UNC13C: variants seen among roughly 807,000 people sequenced by gnomAD.
UNC13C encodes unc-13 homolog C, also known as protein unc-13 homolog C.
A neutral mutation model predicts 245.4 loss-of-function variants in UNC13C; 174 were observed. The ratio of observed to expected loss-of-function variants is 0.71; its 90% CI spans 0.63 to 0.80. The LOEUF (loss-of-function observed/expected upper bound fraction) is 0.80, where lower values mean the gene tolerates loss of function less well. Among genes scored for constraint, UNC13C ranks in the 30% least tolerant of loss-of-function variants. The probability of loss-of-function intolerance (pLI) is 0.00; values close to 1 mark genes in which losing one functional copy is unlikely to be tolerated. For synonymous variants in UNC13C, 992 were observed against 895.1 expected, an observed-to-expected ratio of 1.11 and a Z score of -1.93; for missense variants, 2,829 against 2,602.9, an observed-to-expected ratio of 1.09 and a Z score of -1.89.
rs8027481 is a variant in UNC13C, at chr15:54,440,582, T to C, written c.4933+25515T>C. On this transcript the variant is annotated intron_variant, in intron 19 of 32. Transcript: ENST00000260323. ...TTGATAGGTACTTGGGTTGGTTCCA[T>C]ATCTTTTCTATTGTGATTAGTACTG... 7.0e-3 allele frequency among the ~76,000 whole-genome samples: 1,059 copies of C among 152,166 alleles called. 7 individuals carry two copies. Among genetic ancestry groups the C allele is most frequent in the African/African-American group, 0.024 (989 of 41,548 alleles).
At chr15:53,959,275 A>G in the UNC13C span, among the ~76,000 whole-genome samples, 4 of 152,014 alleles carry the variant, frequency 2.6e-5, no homozygotes, top group East Asian at 7.7e-4. Flanking sequence ...TCTCTTAGAT[A>G]TACTGTTTTT....
chr15:54,512,218 G>C (rs1894774644), intron 24 of UNC13C: 2 of 412,264 alleles, frequency 4.9e-6, no homozygotes, highest in Non-Finnish European at 4.8e-6. Flanking sequence ...GCTTTGTGGT[G>C]CTATTGGTTT....
At chr15:54,072,732 C>T (rs1430957580) in intron 2 of UNC13C, among the ~76,000 whole-genome samples, 1 of 152,102 alleles carries the variant, frequency 6.6e-6, no homozygotes, top group East Asian at 1.9e-4. Context: ...TTATGTAATA[C>T]ACACTTTTGA....
intron 4 of UNC13C, among the ~76,000 whole-genome samples, chr15:54,221,436 G>C (rs1290506443): frequency 1.3e-5 from 2 of 151,772 alleles, no homozygotes; most frequent in African/African-American, 4.8e-5. Flanking sequence ...TATTTAGCAG[G>C]TGGAAATTAT....
chr15:53,849,722 A>G, the UNC13C span, among the ~76,000 whole-genome samples: 2 of 152,162 alleles, frequency 1.3e-5, no homozygotes, highest in African/African-American at 2.4e-5. Flanking sequence ...CACAAAATGT[A>G]TTCTGGCAGC....
chr15:54,219,486 C>T (rs2035151861), intron 4 of UNC13C, among the ~76,000 whole-genome samples: 2 of 150,978 alleles, frequency 1.3e-5, no homozygotes, highest in East Asian at 1.9e-4. Context: ...GACCTAAAAC[C>T]ATAAAAACCC....
downstream of UNC13C, chr15:54,630,831 A>G (rs1489850460): frequency 6.6e-6 from 1 of 152,136 alleles, no homozygotes; most frequent in African/African-American, 2.4e-5. Context: ...GTTAAATAAT[A>G]TATATTTAAA....
At chr15:53,894,607 G>T in the UNC13C span, among the ~76,000 whole-genome samples, 1 of 152,274 alleles carries the variant, frequency 6.6e-6, no homozygotes, top group Non-Finnish European at 1.5e-5. Flanking sequence ...TGCTGTCTGA[G>T]AAAATAAGGA....
At chr15:54,393,331 A>G (rs1003176076) in intron 18 of UNC13C, 150 bp downstream of exon 18, 5 of 681,568 alleles carry the variant, frequency 7.3e-6, no homozygotes, top group African/African-American at 1.9e-5. Flanking sequence ...ATCAGTAAAT[A>G]TCAATTAAAT....
intron 2 of UNC13C, among the ~76,000 whole-genome samples, chr15:54,084,271 T>C (rs1899117554): frequency 6.6e-6 from 1 of 152,208 alleles, no homozygotes; most frequent in East Asian, 1.9e-4. Context: ...CTACTCTCTT[T>C]CTATTGGTCA....
At chr15:54,561,422 C>T (rs1310229122) in intron 29 of UNC13C, among the ~76,000 whole-genome samples, 1 of 151,900 alleles carries the variant, frequency 6.6e-6, no homozygotes, top group Non-Finnish European at 1.5e-5. Context: ...TCAGGAAAAG[C>T]TGCAATGGTC....
At chr15:54,569,337 G>A in intron 30 of UNC13C, among the ~76,000 whole-genome samples, 1 of 151,972 alleles carries the variant, frequency 6.6e-6, no homozygotes, top group Non-Finnish European at 1.5e-5. Flanking sequence ...ATGTATAGGA[G>A]TTGCATATAA....
chr15:54,160,320 CAAAG>C (rs960303157), intron 4 of UNC13C, among the ~76,000 whole-genome samples: 6 of 150,056 alleles, frequency 4.0e-5, no homozygotes, highest in African/African-American at 1.5e-4. Context: ...ATGAAAATGA[CAAAG>C]AGAGCATAGA....
At chr15:54,069,217 A>G (rs182308124) in intron 2 of UNC13C, among the ~76,000 whole-genome samples, 1 of 152,146 alleles carries the variant, frequency 6.6e-6, no homozygotes, top group African/African-American at 2.4e-5. Flanking sequence ...GAAAGTGTTT[A>G]AGCAGCTCCA....
intron 2 of UNC13C, among the ~76,000 whole-genome samples, chr15:54,099,406 C>T (rs1335446608): frequency 2.6e-5 from 4 of 152,164 alleles, no homozygotes; most frequent in Non-Finnish European, 5.9e-5. Flanking sequence ...AGTGGTCTCA[C>T]TATAAATAGC....
chr15:54,262,526 A>G (rs2036452228), intron 8 of UNC13C, among the ~76,000 whole-genome samples: 1 of 152,218 alleles, frequency 6.6e-6, no homozygotes, highest in South Asian at 2.1e-4. Context: ...CTATTTAAGA[A>G]TTATGGACTG....
Position 54,316,406 on chromosome 15 carries a change from C to T in UNC13C, c.4269-5533C>T, listed in dbSNP as rs529138884. On this transcript the variant is annotated intron_variant, in intron 13 of 32. Coordinates refer to ENST00000260323, the MANE Select transcript of UNC13C (RefSeq NM_001080534.3). ...CCATCAATGATATCAAACTCTATGCCACGCTTGGCTATCTCTTAGTCATTC... is the reference window on the plus strand; with the variant it reads ...CCATCAATGATATCAAACTCTATGCTACGCTTGGCTATCTCTTAGTCATTC... Among the ~76,000 whole-genome samples, 7 of 151,952 alleles carry T rather than the reference C, an allele frequency of 4.6e-5. No individual in the cohort carries two copies. In the South Asian group the frequency reaches 1.5e-3, roughly 32 times the overall value.
intron 8 of UNC13C, among the ~76,000 whole-genome samples, chr15:54,257,003 A>G (rs933985388): frequency 3.3e-5 from 5 of 152,212 alleles, no homozygotes; most frequent in Non-Finnish European, 2.9e-5. Context: ...TAGCCTAGCT[A>G]TGAGTACCAG....
chr15:54,140,980 T>G (rs1276571725), intron 2 of UNC13C, among the ~76,000 whole-genome samples: 1 of 152,210 alleles, frequency 6.6e-6, no homozygotes, highest in Non-Finnish European at 1.5e-5. Flanking sequence ...AACTGATGTA[T>G]TACCAGATTT....
Sources: allele counts gnomAD v4.1 joint callset (sites outside exome capture counted in the v4.1 genomes callset), GRCh38; gene constraint gnomAD v4.1.1; transcripts MANE v1.5; gene names NCBI Gene and HGNC (gene_info 2026-07-23, HGNC 2026-07-21).